GARNL3: variants seen among roughly 807,000 people sequenced by gnomAD.
The protein encoded by GARNL3 is GTPase-activating Rap/Ran-GAP domain-like protein 3.
GARNL3 carries 63 observed loss-of-function variants against 125.0 expected under a neutral mutation model. The ratio of observed to expected loss-of-function variants is 0.50; its 90% confidence interval spans 0.41 to 0.62. The LOEUF (loss-of-function observed/expected upper bound fraction) is 0.62. GARNL3 is among the 20% of genes least tolerant of loss of function. The pLI, the probability that GARNL3 is intolerant of heterozygous loss-of-function variation, is 0.00. For synonymous variants in GARNL3, 439 were observed against 457.5 expected (o/e 0.96, Z 0.52); for missense variants, 994 against 1,244.0 (o/e 0.80, Z 3.02).
chr9:127,385,215 A>C lies in GARNL3; in HGVS notation c.2388+70A>C, dbSNP rs1374893012. 2.2e-6 allele frequency: 2 copies of C among 889,904 alleles called. No individual in the cohort carries two copies. The highest frequency in any genetic ancestry group is 2.9e-5 in the East Asian group (1 of 34,448). 55.1% of individuals were successfully genotyped at this position (889,904 alleles called of 1,614,324 possible). A position where few individuals can be genotyped will look rare whatever the true frequency, so the allele number is the denominator to read the frequency against. On this transcript the variant is annotated intron_variant, in intron 24 of 27. Transcript: ENST00000373387. This position sits in a 1 kb window ranked among gnomAD's most constrained non-coding sequence, Gnocchi z 4.1. ...CGGCACTGTGGGATTTCAGGTGAGC[A>C]CAGAAGCCGCCTCTTGTCAAGTTAG...
chr9:127,333,119 A>G lies in GARNL3; in HGVS notation c.767A>G (p.Lys256Arg). 1.2e-6 allele frequency: 2 copies of G among 1,609,846 alleles called. No individual in the cohort carries two copies. Among genetic ancestry groups the G allele is most frequent in the Non-Finnish European group, 1.7e-6 (2 of 1,176,166 alleles). ...GGCTACCGTGGCGGTCTGGATACCA[A>G]AAGTAAGCCTGCCTCTTGATCTATT... Reference protein sequence around the residue: ...WTGYRGGLDTKNDTTGIHSVY... With the variant: ...WTGYRGGLDTRNDTTGIHSVY... The change falls in exon 9 of 28, where the codon AAA (lysine) becomes AGA (arginine). Residue 256 changes from lysine (K) to arginine (R), a missense_variant and splice_region_variant. Transcript: ENST00000373387.
At chr9:127,357,477 A>G (rs1354933409) in intron 21 of GARNL3, 100 bp downstream of exon 21, 6 of 1,152,566 alleles carry the variant, frequency 5.2e-6, no homozygotes, top group Non-Finnish European at 7.4e-6. Flanking sequence ...CTTTAAAATT[A>G]TGTACTATTC....
intron 2 of GARNL3, among the ~76,000 whole-genome samples, chr9:127,250,192 G>A (rs1448579515): frequency 1.3e-5 from 2 of 152,102 alleles, no homozygotes; most frequent in Admixed American, 6.5e-5. Context: ...AGTTATGCAA[G>A]AAAAAATAAA....
chr9:127,283,811 G>GT (rs2064165632), intron 1 of GARNL3, among the ~76,000 whole-genome samples: 1 of 152,172 alleles, frequency 6.6e-6, no homozygotes, highest in African/African-American at 2.4e-5. Context: ...TGTTGTTGTT[G>GT]TTGTTTGTTT....
intron 2 of GARNL3, chr9:127,300,159 A>G (rs1033799238): frequency 1.8e-5 from 6 of 329,156 alleles, no homozygotes; most frequent in Admixed American, 3.5e-5. Flanking sequence ...CCTGAATAAC[A>G]TCAATTATGT....
chr9:127,381,701 A>G (rs1001122838), intron 22 of GARNL3, among the ~76,000 whole-genome samples: 5 of 151,428 alleles, frequency 3.3e-5, no homozygotes, highest in African/African-American at 4.9e-5. Context: ...GGTTCACACC[A>G]TTCTCCTGCC....
intron 11 of GARNL3, among the ~76,000 whole-genome samples, chr9:127,336,673 T>C (rs1258259055): frequency 2.0e-5 from 3 of 152,236 alleles, no homozygotes; most frequent in African/African-American, 7.2e-5. Flanking sequence ...TCTTGAAATT[T>C]GAGAAATGAT....
chr9:127,273,244 A>G (rs759180424), intron 1 of GARNL3, among the ~76,000 whole-genome samples: 3 of 152,168 alleles, frequency 2.0e-5, no homozygotes, highest in African/African-American at 4.8e-5. Flanking sequence ...ACCCAGGTCT[A>G]TCTGCCTCCG....
At chr9:127,372,572 G>A (rs1366087574) in intron 22 of GARNL3, among the ~76,000 whole-genome samples, 1 of 152,144 alleles carries the variant, frequency 6.6e-6, no homozygotes, top group African/African-American at 2.4e-5. Context: ...TACTTACTTT[G>A]TAAATTTTAG....
intron 2 of GARNL3, among the ~76,000 whole-genome samples, chr9:127,250,530 G>C (rs1017532936): frequency 1.3e-5 from 2 of 152,148 alleles, no homozygotes; most frequent in African/African-American, 2.4e-5. Context: ...CTGATTAGGG[G>C]CACATGATAT....
At chr9:127,334,815 C>G (rs1829460173) in intron 9 of GARNL3, among the ~76,000 whole-genome samples, 1 of 152,182 alleles carries the variant, frequency 6.6e-6, no homozygotes, top group Non-Finnish European at 1.5e-5. Context: ...TCCAAGTCGG[C>G]CTCATTGTAA....
Position 127,384,550 on chromosome 9 carries a change from C to T in GARNL3, c.2270-477C>T, listed in dbSNP as rs766321721. ...GCCAGTGAGGAATAAGATGCAGCCC[C>T]GGCTCAGACGTGCAGCTGGAGGAGC... On this transcript the variant is annotated intron_variant, in intron 23 of 27. Transcript: ENST00000373387. The surrounding 1 kb of genome is among the most constrained non-coding windows in gnomAD (Gnocchi z 4.0). Among the ~76,000 whole-genome samples the T allele has an allele frequency of 6.6e-6, 1 of 151,822 alleles. No homozygotes were observed. Among genetic ancestry groups the T allele is most frequent in the African/African-American group, 2.4e-5 (1 of 41,120 alleles).
intron 20 of GARNL3, chr9:127,356,279 G>T (rs1830684989): frequency 6.6e-6 from 1 of 152,192 alleles, no homozygotes; most frequent in Non-Finnish European, 1.5e-5. Context: ...GGTGGCTTTG[G>T]TAGCAGGAGA....
chr9:127,325,986 A>G (rs2065558838), intron 7 of GARNL3, among the ~76,000 whole-genome samples: 1 of 152,190 alleles, frequency 6.6e-6, no homozygotes, highest in African/African-American at 2.4e-5. Flanking sequence ...TGGAGCCTGC[A>G]TGATCTGGCC....
chr9:127,281,313 G>T (rs1304843407), intron 1 of GARNL3, among the ~76,000 whole-genome samples: 1 of 152,172 alleles, frequency 6.6e-6, no homozygotes, highest in Non-Finnish European at 1.5e-5. Flanking sequence ...AGAAGAATAT[G>T]AGCTCAGGCT....
chr9:127,301,371 A>AC (rs1194751999), intron 2 of GARNL3, among the ~76,000 whole-genome samples: 1 of 151,842 alleles, frequency 6.6e-6, no homozygotes, highest in Non-Finnish European at 1.5e-5. Flanking sequence ...TACTTTGCCC[A>AC]CCCCCCATCT....
chr9:127,321,232 C>T (rs962253258), intron 6 of GARNL3, among the ~76,000 whole-genome samples: 1 of 152,140 alleles, frequency 6.6e-6, no homozygotes, highest in Non-Finnish European at 1.5e-5. Flanking sequence ...CTCCTGGGTT[C>T]AAGCGATTCT....
At chr9:127,382,489 G>A (rs1832318410) in intron 22 of GARNL3, among the ~76,000 whole-genome samples, 1 of 151,940 alleles carries the variant, frequency 6.6e-6, no homozygotes, top group African/African-American at 2.4e-5. Flanking sequence ...GTGTGCACCT[G>A]TAGCCCCAGC....
rs890657899 is a variant in GARNL3, at chr9:127,392,405, C to T, written c.2871-678C>T. On this transcript the variant is annotated intron_variant, in intron 27 of 27. Coordinates refer to ENST00000373387, the MANE Select transcript of GARNL3 (RefSeq NM_032293.5). This position sits in a 1 kb window ranked among gnomAD's most constrained non-coding sequence, Gnocchi z 5.2. ...AGCATTGGGCTGGGCTTGGAATAAA[C>T]GGTAAGAAGCTAGGGGAACAGCCCT... is the stretch of plus-strand genomic sequence containing the variant. Among the ~76,000 whole-genome samples, 11 of 152,154 alleles carry T rather than the reference C, an allele frequency of 7.2e-5. No homozygotes were observed. The highest frequency in any genetic ancestry group is 9.7e-5 in the African/African-American group (4 of 41,438).
Sources: allele counts gnomAD v4.1 joint callset (sites outside exome capture counted in the v4.1 genomes callset), GRCh38; gene constraint gnomAD v4.1.1; non-coding constraint Gnocchi (gnomAD v3.1); transcripts MANE v1.5; gene names NCBI Gene and HGNC (gene_info 2026-07-23, HGNC 2026-07-21).